The following PCDHGA8 variants were observed in gnomAD, a reference collection of about 807,000 sequenced individuals.
The protein encoded by PCDHGA8 is protocadherin gamma-A8.
PCDHGA8 carries 45 observed loss-of-function variants against 59.2 expected under a neutral mutation model. The observed-to-expected ratio is 0.76, with a 90% confidence interval of 0.60 to 0.98. The LOEUF (loss-of-function observed/expected upper bound fraction) is 0.98, where lower values mean the gene tolerates loss of function less well. Ranked by LOEUF, PCDHGA8 falls within the 50% of genes least tolerant of loss-of-function variation. The probability of loss-of-function intolerance (pLI) is 0.00; values close to 1 mark genes in which losing one functional copy is unlikely to be tolerated. For synonymous variants in PCDHGA8, 531 were observed against 519.0 expected (o/e 1.02, Z -0.32); for missense variants, 1,257 against 1,196.2 (o/e 1.05, Z -0.75).
In PCDHGA8 at chr5:141,432,071, A is replaced by G; in HGVS notation, c.2424+36834A>G. On this transcript the variant is annotated intron_variant, in intron 1 of 3. Transcript: ENST00000398604. The surrounding 1 kb of genome is among the most constrained non-coding windows in gnomAD (Gnocchi z 6.0). ...CCCGCCCCTATCCACGGAAACTCAT[A>G]TCTCGCTGAACGTGGCAGACACCAA... is the stretch of plus-strand genomic sequence containing the variant. 2 of 1,614,158 alleles carry G rather than the reference A, an allele frequency of 1.2e-6. No individual in the cohort carries two copies. The highest frequency in any genetic ancestry group is 1.7e-6 in the Non-Finnish European group (2 of 1,180,032).
At chr5:141,459,315 T>C (rs2154566534) in intron 1 of PCDHGA8, among the ~76,000 whole-genome samples, 1 of 152,362 alleles carries the variant, frequency 6.6e-6, no homozygotes, top group East Asian at 1.9e-4. Context: ...CTATTTTGTA[T>C]CCATCTTCTT....
At chr5:141,409,290 G>A in intron 1 of PCDHGA8, 1 of 1,613,974 alleles carries the variant, frequency 6.2e-7, no homozygotes. Context: ...TCACCTCCAG[G>A]AATGGTTGTT....
At chr5:141,497,354 A>G (rs1430368474) in intron 2 of PCDHGA8, among the ~76,000 whole-genome samples, 1 of 152,054 alleles carries the variant, frequency 6.6e-6, no homozygotes, top group Non-Finnish European at 1.5e-5. Flanking sequence ...AGCCCCACCA[A>G]CTGCCTCTCA....
At chr5:141,482,338 T>C (rs2099556539) in intron 1 of PCDHGA8, among the ~76,000 whole-genome samples, 1 of 152,156 alleles carries the variant, frequency 6.6e-6, no homozygotes, top group African/African-American at 2.4e-5. Context: ...ATATCTACTT[T>C]GCAAACTTGT....
intron 1 of PCDHGA8, among the ~76,000 whole-genome samples, chr5:141,459,386 T>C (rs1283863283): frequency 6.6e-6 from 1 of 152,260 alleles, no homozygotes; most frequent in African/African-American, 2.4e-5. Context: ...GTGTTCCATT[T>C]GATTGTTGAG....
chr5:141,435,059 G>A (rs2097741198), intron 1 of PCDHGA8, among the ~76,000 whole-genome samples: 1 of 152,042 alleles, frequency 6.6e-6, no homozygotes, highest in Non-Finnish European at 1.5e-5. Context: ...CCATGCAGCA[G>A]TTTTGTGTAG....
chr5:141,487,475 C>A lies in PCDHGA8; in HGVS notation c.2425-7332C>A. 6.2e-7 allele frequency: 1 copy of A among 1,614,156 alleles called. No individual in the cohort carries two copies. The highest frequency in any genetic ancestry group is 8.5e-7 in the Non-Finnish European group (1 of 1,180,032). On this transcript the variant is annotated intron_variant, in intron 1 of 3. Transcript: ENST00000398604. This position sits in a 1 kb window ranked among gnomAD's most constrained non-coding sequence, Gnocchi z 5.0. ...TATCAAGTTTGTTGATGTGGGAGGC[C>A]ACTCTCATGGCTGTACACCCTTGGC...
rs1461837957 is a variant in PCDHGA8, at chr5:141,432,613, G to C, written c.2424+37376G>C. The C allele has an allele frequency of 6.2e-7, 1 of 1,613,946 alleles. No homozygotes were observed. The highest frequency in any genetic ancestry group is 1.3e-5 in the African/African-American group (1 of 75,056). On this transcript the variant is annotated intron_variant, in intron 1 of 3. Coordinates refer to ENST00000398604, the MANE Select transcript of PCDHGA8 (RefSeq NM_032088.2). The surrounding 1 kb of genome is among the most constrained non-coding windows in gnomAD (Gnocchi z 6.0). ...AGGCCAGCGAGCCGGGACTCTTCTC[G>C]GTGGGTCTGCACACGGGCGAGGTGC...
At chr5:141,470,306 T>C (rs2099227644) in intron 1 of PCDHGA8, among the ~76,000 whole-genome samples, 1 of 152,222 alleles carries the variant, frequency 6.6e-6, no homozygotes, top group South Asian at 2.1e-4. Flanking sequence ...TTATTCCATT[T>C]TTCCTCAAAT....
intron 1 of PCDHGA8, chr5:141,442,197 A>G (rs1267971703): frequency 1.3e-5 from 2 of 153,426 alleles, no homozygotes; most frequent in African/African-American, 4.8e-5. Context: ...ATTAATTTAT[A>G]TCTGGTGATT....
Position 141,425,378 on chromosome 5 carries a change from C to T in PCDHGA8, c.2424+30141C>T, listed in dbSNP as rs372445707. Among the ~76,000 whole-genome samples the T allele has an allele frequency of 1.6e-4, 25 of 152,174 alleles. 1 individual carries two copies. The highest frequency in any genetic ancestry group is 3.9e-4 in the African/African-American group (16 of 41,522). On this transcript the variant is annotated intron_variant, in intron 1 of 3. Transcript: ENST00000398604. ...TGATATTAAGAGGGTTATGTTGATTCGGAGGTAGTGATAAAGTTCTGTTAA... is the reference window on the plus strand; with the variant it reads ...TGATATTAAGAGGGTTATGTTGATTTGGAGGTAGTGATAAAGTTCTGTTAA...
At position 141,487,760 on chromosome 5, in the gene PCDHGA8, G is replaced by T; in HGVS notation, c.2425-7047G>T. On this transcript the variant is annotated intron_variant, in intron 1 of 3. Transcript: ENST00000398604. The surrounding 1 kb of genome is among the most constrained non-coding windows in gnomAD (Gnocchi z 5.0). Reference sequence around the variant, plus strand: ...TGTAAGAGGTAACTATGTGGTAGACGCTGTGCTTTGTAACTGTTTCGTGAA... The same window carrying T: ...TGTAAGAGGTAACTATGTGGTAGACTCTGTGCTTTGTAACTGTTTCGTGAA... 1 of 1,545,950 alleles carries T rather than the reference G, an allele frequency of 6.5e-7. No individual in the cohort carries two copies. The highest frequency in any genetic ancestry group is 1.4e-5 in the African/African-American group (1 of 73,162).
At chr5:141,417,460 A>G (rs1160577617) in intron 1 of PCDHGA8, 1 of 180,404 alleles carries the variant, frequency 5.5e-6, no homozygotes, top group Non-Finnish European at 1.1e-5. Flanking sequence ...GACCAAGTGG[A>G]AATATATTTC....
chr5:141,428,190 T>C (rs1348507135), intron 1 of PCDHGA8: 2 of 1,429,918 alleles, frequency 1.4e-6, no homozygotes, highest in Non-Finnish European at 1.9e-6. Flanking sequence ...CAGCCGCCGC[T>C]CTCTGCGCCG....
At position 141,395,177 on chromosome 5, in the gene PCDHGA8, T is replaced by C; in HGVS notation, c.2364T>C (p.Asn788=). The stretch of plus-strand genomic sequence containing the variant: ...TCAGTCAGGAGGGCTGTGAGAAAAA[T>C]GATTCTTTGTTAACATCCGTAGATT... ...MLISQEGCEK[N]DSLLTSVDFH... Residue 788 remains asparagine (N), a synonymous_variant, in exon 1 of 4, where the codon AAT becomes AAC. Transcript: ENST00000398604. 1.2e-6 allele frequency: 2 copies of C among 1,614,120 alleles called. No individual in the cohort carries two copies. Among genetic ancestry groups the C allele is most frequent in the South Asian group, 2.2e-5 (2 of 91,084 alleles).
At chr5:141,399,977 T>C (rs1166854292) in intron 1 of PCDHGA8, 1 of 1,612,262 alleles carries the variant, frequency 6.2e-7, no homozygotes, top group African/African-American at 1.3e-5. Flanking sequence ...AGCCTGGGGC[T>C]GCGCACAGGA....
intron 1 of PCDHGA8, chr5:141,415,170 C>T (rs781724309): frequency 3.7e-6 from 6 of 1,613,878 alleles, no homozygotes; most frequent in South Asian, 2.2e-5. Flanking sequence ...TCACGCTCAC[C>T]GTGGCCGTGG....
In PCDHGA8 at chr5:141,393,593, G is replaced by A. The variant is rs2092803808; in HGVS notation, c.780G>A (p.Arg260=). ...TTGAGAACATGCCCCCAGGCACGCG[G>A]CTGCTTACTGTAACAGCCAGCGACC... ...KVLENMPPGT[R]LLTVTASDPD... is the part of the protein sequence containing the mutation. The change falls in exon 1 of 4, where the codon CGG becomes CGA. Residue 260 remains arginine (R), a synonymous_variant. Transcript: ENST00000398604. The A allele has an allele frequency of 5.0e-6, 8 of 1,613,906 alleles. No individual in the cohort carries two copies. The East Asian group carries it at 1.8e-4, about 36-fold the overall frequency.
intron 1 of PCDHGA8, chr5:141,421,916 G>A (rs754653877): frequency 2.5e-6 from 4 of 1,613,646 alleles, no homozygotes; most frequent in Non-Finnish European, 2.5e-6. Flanking sequence ...GTTCCCATTC[G>A]TGTGGTGGTC....
Sources: gnomAD v4.1 joint callset for allele counts (sites outside exome capture counted in the v4.1 genomes callset) on GRCh38, gnomAD v4.1.1 for gene constraint, Gnocchi (gnomAD v3.1) non-coding constraint, MANE v1.5 for transcripts, NCBI Gene and HGNC (gene_info 2026-07-23, HGNC 2026-07-21) for gene names.